Variants in NEK10 observed in about 807,000 individuals in gnomAD.
NEK10 encodes serine/threonine-protein kinase Nek10.
Under a neutral mutation model 159.8 loss-of-function variants are expected in NEK10, and 122 were observed. That is an observed-to-expected ratio of 0.76 (90% CI 0.66 to 0.89). NEK10 has a LOEUF of 0.89. NEK10 is among the 40% of genes least tolerant of loss of function. NEK10 has a pLI of 0.00. For synonymous variants in NEK10, 466 were observed against 457.1 expected (o/e 1.02, Z -0.25); for missense variants, 1,342 against 1,323.1 (o/e 1.01, Z -0.22).
chr3:27,312,175 A>C lies in NEK10; in HGVS notation c.492T>G (p.Tyr164Ter). ...GGTACTCATTGGCTACAATCTCCAT[A>C]TACTGCATGAAGGACCAAACCAACA... The part of the protein sequence containing the change: ...SLGGIENLAQ[Y>*]MEIVANEYLG... The change falls in exon 8 of 36, where the codon TAT (tyrosine) becomes TAG (stop). Residue 164 changes from tyrosine to a stop codon, truncating the protein, a stop_gained and splice_region_variant. Coordinates refer to ENST00000691995, the MANE Select transcript of NEK10 (RefSeq NM_001394966.1). LOFTEE classifies it high-confidence loss of function. The C allele has an allele frequency of 6.2e-7, 1 of 1,602,558 alleles. No homozygotes were observed. The highest frequency in any genetic ancestry group is 8.5e-7 in the Non-Finnish European group (1 of 1,173,490).
intron 1 of NEK10, among the ~76,000 whole-genome samples, chr3:27,358,324 CA>C (rs1410407424): frequency 6.6e-6 from 1 of 152,142 alleles, no homozygotes. Flanking sequence ...ACCTGAATAC[CA>C]TCTCAGATGG....
At chr3:27,292,671 T>A (rs1309281952) in intron 16 of NEK10, among the ~76,000 whole-genome samples, 1 of 149,482 alleles carries the variant, frequency 6.7e-6, no homozygotes, top group East Asian at 2.0e-4. Flanking sequence ...CCATCTCTAC[T>A]GAAAATACAA....
At chr3:27,266,610 G>T (rs2040916317) in intron 22 of NEK10, among the ~76,000 whole-genome samples, 1 of 152,126 alleles carries the variant, frequency 6.6e-6, no homozygotes, top group Non-Finnish European at 1.5e-5. Flanking sequence ...ATTGACCTAG[G>T]TACTTTCCTT....
intron 6 of NEK10, among the ~76,000 whole-genome samples, chr3:27,315,696 A>G (rs1447160249): frequency 1.3e-5 from 2 of 152,230 alleles, no homozygotes; most frequent in Non-Finnish European, 2.9e-5. Context: ...AGATGGCAGG[A>G]GTGCTCTTTG....
At chr3:27,170,870 T>G (rs1946920341) in intron 29 of NEK10, among the ~76,000 whole-genome samples, 1 of 152,142 alleles carries the variant, frequency 6.6e-6, no homozygotes, top group Non-Finnish European at 1.5e-5. Context: ...CCAGGCCCAC[T>G]CCTCTGGCTC....
chr3:27,205,401 T>G (rs1324461914), intron 23 of NEK10, among the ~76,000 whole-genome samples: 3 of 123,176 alleles, frequency 2.4e-5, no homozygotes, highest in Non-Finnish European at 5.1e-5. Flanking sequence ...CATCGCCAAG[T>G]CAATCCTAAG....
chr3:27,202,701 G>T, intron 23 of NEK10, 144 bp from the exon 24 acceptor site: 1 of 1,164,310 alleles, frequency 8.6e-7, no homozygotes, highest in Non-Finnish European at 1.1e-6. Flanking sequence ...ATATCAAAAA[G>T]TCTGTTTGAA....
chr3:27,333,330 G>C (rs746258863), intron 5 of NEK10, among the ~76,000 whole-genome samples: 5 of 151,972 alleles, frequency 3.3e-5, no homozygotes, highest in Non-Finnish European at 7.4e-5. Flanking sequence ...CAGATCACTT[G>C]AGGTCAGGAG....
chr3:27,116,605 G>GA (rs1940475800), intron 33 of NEK10, among the ~76,000 whole-genome samples: 1 of 151,998 alleles, frequency 6.6e-6, no homozygotes, highest in Non-Finnish European at 1.5e-5. Context: ...TGCCTAGAGG[G>GA]AAAAAATATA....
At chr3:27,354,995 C>T (rs73821967) in intron 1 of NEK10, among the ~76,000 whole-genome samples, 9,014 of 152,212 alleles carry the variant, frequency 0.059, 553 homozygotes, top group African/African-American at 0.16. Flanking sequence ...GAAGCCAATA[C>T]GAGGACACAC....
At chr3:27,334,440 A>G (rs893800372) in intron 5 of NEK10, among the ~76,000 whole-genome samples, 2 of 152,120 alleles carry the variant, frequency 1.3e-5, no homozygotes, top group Admixed American at 1.3e-4. Flanking sequence ...AATAGACCCA[A>G]CTGGACCTGC....
intron 5 of NEK10, among the ~76,000 whole-genome samples, chr3:27,327,430 G>A (rs9867945): frequency 0.049 from 7,427 of 152,224 alleles, 330 homozygotes; most frequent in African/African-American, 0.12. Flanking sequence ...ACATGGCAGC[G>A]TGATCAGCTC....
chr3:27,264,533 A>C (rs554953271), intron 22 of NEK10, among the ~76,000 whole-genome samples: 1 of 152,340 alleles, frequency 6.6e-6, no homozygotes, highest in African/African-American at 2.4e-5. Flanking sequence ...GAACACCAGC[A>C]GTATGCAATA....
At chr3:27,363,433 A>G (rs532026692) in intron 1 of NEK10, among the ~76,000 whole-genome samples, 119 of 152,350 alleles carry the variant, frequency 7.8e-4, no homozygotes, top group African/African-American at 2.3e-3. Flanking sequence ...GGGATTTAAT[A>G]AATAATTGCT....
intron 23 of NEK10, among the ~76,000 whole-genome samples, chr3:27,218,852 G>A (rs1418588267): frequency 6.6e-6 from 1 of 151,686 alleles, no homozygotes; most frequent in Non-Finnish European, 1.5e-5. Context: ...AACATCCTCA[G>A]CCCAATGAAA....
chr3:27,309,005 T>A lies in NEK10; in HGVS notation c.637A>T (p.Thr213Ser), dbSNP rs1300411659. 1.3e-6 allele frequency: 2 copies of A among 1,544,024 alleles called. No individual in the cohort carries two copies. The highest frequency in any genetic ancestry group is 2.3e-5 in the East Asian group (1 of 44,328). The change falls in exon 10 of 36, where the codon ACA becomes TCA. Residue 213 changes from threonine (T) to serine (S), a missense_variant and splice_region_variant. By Grantham distance (58) the Thr-to-Ser change is moderately conservative. Transcript: ENST00000691995. The part of the protein sequence containing the change: ...EWVTTSGAHK[T>S]LVNLLGARDT... ...CGGGCACCAAGTAAATTTACTAATG[T>A]CTGAAAAATGAAGTAAAATAAAGTT...
Position 27,287,733 on chromosome 3 carries a change from G to A in NEK10, c.1754C>T (p.Pro585Leu), listed in dbSNP as rs754871578. ...TGTTTTGTAATAACGTACAATGTTG[G>A]GATGATAAAGCTATAAGAAAATAAA... ...LTIIKEQLYH[P>L]NIVRYYKTFL... Residue 585 changes from proline to leucine, a missense_variant, in exon 20 of 36, where the codon CCC (proline) becomes CTC (leucine). Pro to Leu is a moderately conservative substitution (Grantham distance 98). Transcript: ENST00000691995. 5 of 1,559,342 alleles carry A rather than the reference G, an allele frequency of 3.2e-6. No individual in the cohort carries two copies. The highest frequency in any genetic ancestry group is 4.3e-6 in the Non-Finnish European group (5 of 1,159,232).
chr3:27,271,783 T>C (rs952283506), intron 22 of NEK10, among the ~76,000 whole-genome samples: 1 of 152,000 alleles, frequency 6.6e-6, no homozygotes, highest in Non-Finnish European at 1.5e-5. Flanking sequence ...ATTGTACTCA[T>C]AAAAGCATTC....
chr3:27,209,553 T>G lies in NEK10; in HGVS notation c.2091-6996A>C, dbSNP rs114251101. Among the ~76,000 whole-genome samples the G allele has an allele frequency of 5.3e-3, 801 of 152,346 alleles. 6 individuals are homozygous for G. Among genetic ancestry groups the G allele is most frequent in the Non-Finnish European group, 6.8e-3 (464 of 68,038 alleles). On this transcript the variant is annotated intron_variant, in intron 23 of 35. Coordinates refer to ENST00000691995, the MANE Select transcript of NEK10 (RefSeq NM_001394966.1). Reference sequence around the variant, plus strand: ...GCAGCAGCTTAAAGTACAAAACACATTTGAAGATATGAAATGTTAAATTCA... The same window carrying G: ...GCAGCAGCTTAAAGTACAAAACACAGTTGAAGATATGAAATGTTAAATTCA...
Sources: gnomAD v4.1 joint callset for allele counts (sites outside exome capture counted in the v4.1 genomes callset) on GRCh38, gnomAD v4.1.1 for gene constraint, MANE v1.5 for transcripts, NCBI Gene and HGNC (gene_info 2026-07-23, HGNC 2026-07-21) for gene names.